The following SNTG1 variants were observed in gnomAD, a reference collection of about 807,000 sequenced individuals.
The protein encoded by SNTG1 is syntrophin gamma 1.
A neutral mutation model predicts 74.7 loss-of-function variants in SNTG1; 39 were observed. The observed-to-expected ratio is 0.52, with a 90% CI of 0.40 to 0.68. The LOEUF (loss-of-function observed/expected upper bound fraction) is 0.68, where lower values mean the gene tolerates loss of function less well. Among genes scored for constraint, SNTG1 ranks in the 30% least tolerant of loss-of-function variants. The pLI, the probability that SNTG1 is intolerant of heterozygous loss-of-function variation, is 0.00. For synonymous variants in SNTG1, 254 were observed against 217.1 expected (o/e 1.17, Z -1.49); for missense variants, 685 against 609.5 (o/e 1.12, Z -1.30).
chr8:50,450,745 C>T lies in SNTG1; in HGVS notation c.363+16C>T, dbSNP rs1481459629. ...TGAAGAAGTGGTGAGTTTACTTTTT[C>T]CTAATGTCATAGTTTTCCCCATGTG... On this transcript the variant is annotated intron_variant, in intron 8 of 18. Transcript: ENST00000642720. 2 of 1,610,942 alleles carry T rather than the reference C, an allele frequency of 1.2e-6. No individual in the cohort carries two copies. The highest frequency in any genetic ancestry group is 4.5e-5 in the East Asian group (2 of 44,696).
intron 15 of SNTG1, among the ~76,000 whole-genome samples, chr8:50,669,225 AC>A (rs1563720190): frequency 2.0e-5 from 3 of 150,084 alleles, no homozygotes; most frequent in African/African-American, 4.9e-5. Flanking sequence ...TAAAAAAAAA[AC>A]CCTTCAAAGA....
intron 1 of SNTG1, among the ~76,000 whole-genome samples, chr8:49,942,919 T>C (rs1808830071): frequency 6.6e-6 from 1 of 152,174 alleles, no homozygotes; most frequent in African/African-American, 2.4e-5. Flanking sequence ...CTTTGGAAAA[T>C]AGTCACTATG....
At chr8:49,974,296 C>CTAG (rs1554535935) in intron 1 of SNTG1, among the ~76,000 whole-genome samples, 19 of 152,190 alleles carry the variant, frequency 1.2e-4, no homozygotes, top group Non-Finnish European at 2.4e-4. Context: ...TTGATGAGCG[C>CTAG]CAATACCTTC....
At chr8:50,749,393 C>A (rs2095562168) in intron 17 of SNTG1, among the ~76,000 whole-genome samples, 1 of 152,044 alleles carries the variant, frequency 6.6e-6, no homozygotes, top group Non-Finnish European at 1.5e-5. Flanking sequence ...CGTGAAGCAG[C>A]AAGTGCTGAT....
chr8:50,435,199 C>T (rs1476545205), intron 4 of SNTG1, among the ~76,000 whole-genome samples: 1 of 151,974 alleles, frequency 6.6e-6, no homozygotes, highest in Non-Finnish European at 1.5e-5. Context: ...CGATATTAAT[C>T]TTGGGCTCAA....
At chr8:50,277,892 G>A (rs191000229) in intron 2 of SNTG1, among the ~76,000 whole-genome samples, 9 of 152,264 alleles carry the variant, frequency 5.9e-5, no homozygotes, top group Non-Finnish European at 5.9e-5. Context: ...ACATTAACTA[G>A]GAAGAGCACG....
At chr8:50,223,498 A>G (rs2085170452) in intron 2 of SNTG1, among the ~76,000 whole-genome samples, 1 of 152,258 alleles carries the variant, frequency 6.6e-6, no homozygotes, top group Non-Finnish European at 1.5e-5. Context: ...GGAAATAACT[A>G]TTTATCCTTA....
At chr8:50,055,816 A>T (rs1819977789) in intron 1 of SNTG1, among the ~76,000 whole-genome samples, 1 of 152,154 alleles carries the variant, frequency 6.6e-6, no homozygotes, top group South Asian at 2.1e-4. Flanking sequence ...CTTCTAAGCA[A>T]GAGTTGGAAA....
chr8:50,726,975 G>A (rs1376190453), intron 17 of SNTG1, among the ~76,000 whole-genome samples: 1 of 152,180 alleles, frequency 6.6e-6, no homozygotes, highest in South Asian at 2.1e-4. Flanking sequence ...ATTGAAAGAT[G>A]TTATGTAGCA....
At chr8:49,954,388 C>T (rs1809980730) in intron 1 of SNTG1, among the ~76,000 whole-genome samples, 1 of 152,052 alleles carries the variant, frequency 6.6e-6, no homozygotes, top group Non-Finnish European at 1.5e-5. Context: ...TTATGTTAGG[C>T]TGTAAGATCT....
chr8:50,456,940 C>CT (rs2093511991), intron 8 of SNTG1: 1 of 152,262 alleles, frequency 6.6e-6, no homozygotes, highest in South Asian at 2.1e-4. Context: ...ACTCTCCTGT[C>CT]TGGGGGGTTG....
intron 2 of SNTG1, among the ~76,000 whole-genome samples, chr8:50,198,361 A>C (rs532183284): frequency 6.6e-6 from 1 of 152,292 alleles, no homozygotes; most frequent in Non-Finnish European, 1.5e-5. Flanking sequence ...ATGCCACACC[A>C]TCAGTTTGAG....
At chr8:50,187,863 C>T (rs572654385) in intron 2 of SNTG1, among the ~76,000 whole-genome samples, 2 of 152,244 alleles carry the variant, frequency 1.3e-5, no homozygotes, top group African/African-American at 4.8e-5. Flanking sequence ...GGAAGTGGCC[C>T]AGTGAAAACA....
At chr8:50,148,713 A>C (rs942815120) in intron 1 of SNTG1, among the ~76,000 whole-genome samples, 2 of 152,134 alleles carry the variant, frequency 1.3e-5, no homozygotes, top group Non-Finnish European at 2.9e-5. Context: ...ATCCATGTCC[A>C]TACAAAGGAC....
At chr8:50,154,666 T>G (rs991533712) in intron 1 of SNTG1, among the ~76,000 whole-genome samples, 1 of 152,182 alleles carries the variant, frequency 6.6e-6, no homozygotes, top group African/African-American at 2.4e-5. Context: ...AAACCTAGTC[T>G]AACCATGGGG....
At chr8:50,369,182 A>G (rs1461908577) in intron 2 of SNTG1, among the ~76,000 whole-genome samples, 1 of 152,232 alleles carries the variant, frequency 6.6e-6, no homozygotes, top group Non-Finnish European at 1.5e-5. Context: ...TCCAAAATGC[A>G]TATATTGAAG....
chr8:50,657,091 C>T, intron 14 of SNTG1, 66 bp downstream of exon 14: 2 of 835,404 alleles, frequency 2.4e-6, no homozygotes, highest in Middle Eastern at 3.0e-4. Context: ...ACCAACTTAA[C>T]AGCACCAAAT....
intron 2 of SNTG1, among the ~76,000 whole-genome samples, chr8:50,386,972 AT>A (rs1246849111): frequency 6.6e-6 from 1 of 152,170 alleles, no homozygotes; most frequent in Non-Finnish European, 1.5e-5. Flanking sequence ...CTATGACTCT[AT>A]TCTGGTGATT....
chr8:50,734,759 A>G (rs538639869), intron 17 of SNTG1, among the ~76,000 whole-genome samples: 6 of 114,038 alleles, frequency 5.3e-5, no homozygotes, highest in Non-Finnish European at 9.6e-5. Flanking sequence ...ATAGATATCT[A>G]TATATATGGA....
Sources: gnomAD v4.1 joint callset for allele counts (sites outside exome capture counted in the v4.1 genomes callset) on GRCh38, gnomAD v4.1.1 for gene constraint, MANE v1.5 for transcripts, NCBI Gene and HGNC (gene_info 2026-07-23, HGNC 2026-07-21) for gene names.